Variants in CRB2 observed in about 807,000 individuals in gnomAD.
The protein encoded by CRB2 is crumbs cell polarity complex component 2, also known as protein crumbs homolog 2.
Under a neutral mutation model 110.9 loss-of-function variants are expected in CRB2, and 85 were observed. The ratio of observed to expected loss-of-function variants is 0.77; its 90% CI spans 0.64 to 0.92. The LOEUF (loss-of-function observed/expected upper bound fraction) is 0.92, where lower values mean the gene tolerates loss of function less well. Ranked by LOEUF, CRB2 falls within the 40% of genes least tolerant of loss-of-function variation. The pLI is 0.00. For synonymous variants in CRB2, 907 were observed against 831.0 expected, an observed-to-expected ratio of 1.09 and a Z score of -1.57; for missense variants, 1,843 against 1,851.3, an observed-to-expected ratio of 1.00 and a Z score of 0.08.
rs897512775 is a variant in CRB2 at position 123,377,880 on chromosome 9, A to C, written c.*818A>C. The C allele has an allele frequency of 6.6e-6, 1 of 152,290 alleles. No individual in the cohort carries two copies. Among genetic ancestry groups the C allele is most frequent in the African/African-American group, 2.4e-5 (1 of 41,448 alleles). 9.4% of individuals were successfully genotyped at this position (152,290 alleles called of 1,614,324 possible). A position where few individuals can be genotyped will look rare whatever the true frequency, so the allele number is the denominator to read the frequency against. On this transcript the variant is annotated 3_prime_UTR_variant, in exon 13 of 13. Coordinates refer to ENST00000373631, the MANE Select transcript of CRB2 (RefSeq NM_173689.7). ...GGGGAAGGCACCCACTGCCTACCTC[A>C]CAGGGCTGTTGTGAGGATCAGAGAG... is the stretch of plus-strand genomic sequence containing the variant.
At chr9:123,380,218 A>AAAT (rs2042206600), downstream of CRB2, 1 of 152,452 alleles carries the variant, frequency 6.6e-6, no homozygotes, top group African/African-American at 2.4e-5. Flanking sequence ...TTGTTTTCTT[A>AAAT]AATGGTCGGG....
intron 1 of CRB2, among the ~76,000 whole-genome samples, chr9:123,359,454 T>G (rs1351935930): frequency 2.9e-5 from 4 of 137,696 alleles, no homozygotes; most frequent in South Asian, 4.9e-4. Flanking sequence ...TTTTTTTTTT[T>G]TTTTTTTTTT....
In CRB2 at chr9:123,366,728, G is replaced by A. The variant is rs1265400912; in HGVS notation, c.754+362G>A. 4.6e-5 allele frequency among the ~76,000 whole-genome samples: 7 copies of A among 152,140 alleles called. No individual in the cohort carries two copies. The East Asian group carries it at 5.8e-4, about 13-fold the overall frequency. The stretch of plus-strand genomic sequence containing the variant: ...AGCACTTTGGGAGGCTGAGGCGGGC[G>A]GATCACGAGGTCAGGAGTTCAAGAC... On this transcript the variant is annotated intron_variant, in intron 4 of 12. Coordinates refer to ENST00000373631, the MANE Select transcript of CRB2 (RefSeq NM_173689.7).
Position 123,374,595 on chromosome 9 carries a change from A to C in CRB2, c.3406A>C (p.Lys1136Gln), listed in dbSNP as rs751088787. 1.2e-6 allele frequency: 2 copies of C among 1,613,260 alleles called. No homozygotes were observed. The highest frequency in any genetic ancestry group is 1.7e-6 in the Non-Finnish European group (2 of 1,179,750). Residue 1136 changes from lysine to glutamine, a missense_variant, in exon 11 of 13, where the codon AAG becomes CAG. Lys to Gln is a moderately conservative substitution (Grantham distance 53, BLOSUM62 1). Coordinates refer to ENST00000373631, the MANE Select transcript of CRB2 (RefSeq NM_173689.7). ...GPRCRLPVPS[K>Q]ECSLNVTCLD... ...TCTCCCCAGGTTGCCTGTCCCATCC[A>C]AGGAGTGCAGCCTGAATGTCACCTG...
intron 11 of CRB2, 85 bp downstream of exon 11, chr9:123,374,780 G>GC: frequency 6.7e-6 from 6 of 898,102 alleles, no homozygotes; most frequent in Non-Finnish European, 1.0e-5. Flanking sequence ...GGGGGTCCTC[G>GC]CCCACCTTCT....
chr9:123,376,163 A>G (rs1448190444), intron 12 of CRB2, among the ~76,000 whole-genome samples: 1 of 152,170 alleles, frequency 6.6e-6, no homozygotes, highest in Admixed American at 6.5e-5. Context: ...CCCTCTCAGG[A>G]CCAGAGGAAC....
chr9:123,367,070 C>G, intron 4 of CRB2, 102 bp from the exon 5 acceptor site: 1 of 1,268,394 alleles, frequency 7.9e-7, no homozygotes, highest in Non-Finnish European at 1.1e-6. Context: ...GTGGCTTATT[C>G]CGAGCTGCGG....
intron 1 of CRB2, among the ~76,000 whole-genome samples, chr9:123,361,143 G>GGGC (rs2041864861): frequency 6.7e-6 from 1 of 149,540 alleles, no homozygotes; most frequent in Non-Finnish European, 1.5e-5. Context: ...GGGGAGGGGG[G>GGGC]GGGGTTCCTT....
chr9:123,373,579 C>T lies in CRB2; in HGVS notation c.3048C>T (p.Arg1016=), dbSNP rs1044924709. The T allele has an allele frequency of 3.4e-6, 5 of 1,454,760 alleles. No homozygotes were observed. Among genetic ancestry groups the T allele is most frequent in the African/African-American group, 2.9e-5 (2 of 68,410 alleles). 90.1% of individuals were successfully genotyped at this position (1,454,760 alleles called of 1,614,324 possible). A position where few individuals can be genotyped will look rare whatever the true frequency, so the allele number is the denominator to read the frequency against. Residue 1016 remains arginine, a synonymous_variant, in exon 10 of 13, where the codon CGC becomes CGT. Coordinates refer to ENST00000373631, the MANE Select transcript of CRB2 (RefSeq NM_173689.7). ...AGAACTTCACCGGCTGCTTGGGCCG[C>T]GTGGCGCTGGGCGGCCTGCCCCTGC... The part of the protein sequence containing the change: ...LAENFTGCLG[R]VALGGLPLPL...
chr9:123,366,384 C>T lies in CRB2; in HGVS notation c.754+18C>T, dbSNP rs756631231. 10 of 1,531,278 alleles carry T rather than the reference C, an allele frequency of 6.5e-6. No homozygotes were observed. Among genetic ancestry groups the T allele is most frequent in the Non-Finnish European group, 7.8e-6 (9 of 1,153,156 alleles). The allele number at this position is 1,531,278 out of a possible 1,614,324, so 94.9% of individuals were successfully genotyped here. A position where few individuals can be genotyped will look rare whatever the true frequency, so the allele number is the denominator to read the frequency against. On this transcript the variant is annotated intron_variant, in intron 4 of 12. Coordinates refer to ENST00000373631, the MANE Select transcript of CRB2 (RefSeq NM_173689.7). ...TTGGCCAGGTGTGTGCGTGCAGGTGCGCGGCCTGGCGGGGGGAGGGGTAGG... is the reference window on the plus strand; with the variant it reads ...TTGGCCAGGTGTGTGCGTGCAGGTGTGCGGCCTGGCGGGGGGAGGGGTAGG...
chr9:123,357,880 A>G (rs2808416), intron 1 of CRB2, among the ~76,000 whole-genome samples: 109,001 of 152,256 alleles, frequency 0.72, 39,259 homozygotes, highest in Admixed American at 0.8. Flanking sequence ...CAACACGCAC[A>G]TGTGGACATG....
At position 123,368,821 on chromosome 9, in the gene CRB2, G is replaced by T. The variant is rs137912668; in HGVS notation, c.1054+1135G>T. 4.1e-4 allele frequency: 506 copies of T among 1,227,392 alleles called. 5 individuals are homozygous for T. In the East Asian group the frequency reaches 0.01, roughly 25 times the overall value. The allele number at this position is 1,227,392 out of a possible 1,614,324, so 76.0% of individuals were successfully genotyped here. A position where few individuals can be genotyped will look rare whatever the true frequency, so the allele number is the denominator to read the frequency against. On this transcript the variant is annotated intron_variant, in intron 6 of 12. Transcript: ENST00000373631. The stretch of plus-strand genomic sequence containing the variant: ...GAAGGAGGCAGCTGGGCCAGGCAGG[G>T]AGCTCTGCCTCCTCCCCACTTCCCC...
In CRB2 at chr9:123,365,779, CCCCAACCACCA is replaced by C. The variant is rs2041922035; in HGVS notation, c.419-135_419-125del. On this transcript the variant is annotated intron_variant, in intron 2 of 12. Transcript: ENST00000373631. ...TTGCTGGCATGACCCGTCCCCCACCCCCCAACCACCACCACCACCATCCGGCTCTGAATGAA... is the reference window on the plus strand; with the variant it reads ...TTGCTGGCATGACCCGTCCCCCACCCCCACCACCATCCGGCTCTGAATGAA... 3 of 794,572 alleles carry C rather than the reference CCCCAACCACCA, an allele frequency of 3.8e-6. No individual in the cohort carries two copies. The Admixed American group carries it at 1.1e-4, about 28-fold the overall frequency. The allele number at this position is 794,572 out of a possible 1,614,324, so 49.2% of individuals were successfully genotyped here.
chr9:123,356,528 G>A (rs1288231294), intron 1 of CRB2, among the ~76,000 whole-genome samples, 174 bp downstream of exon 1: 6 of 151,596 alleles, frequency 4.0e-5, no homozygotes, highest in Non-Finnish European at 8.8e-5. Flanking sequence ...GGGGCTCCAC[G>A]GAGGTGAGTG....
In CRB2 at chr9:123,374,636, A is replaced by G. The variant is rs1159126835; in HGVS notation, c.3447A>G (p.Pro1149=). The G allele has an allele frequency of 1.5e-5, 24 of 1,613,286 alleles. No homozygotes were observed. Among genetic ancestry groups the G allele is most frequent in the Non-Finnish European group, 1.9e-5 (22 of 1,179,944 alleles). ...ATGTCACCTGCCTCGATGGCAGCCC[A>G]TGTGAGGGTGGCTCTCCCGCTGCCA... The part of the protein sequence containing the change: ...SLNVTCLDGS[P]CEGGSPAANC... The change falls in exon 11 of 13, where the codon CCA becomes CCG. Residue 1149 remains proline (P), a synonymous_variant. Coordinates refer to ENST00000373631, the MANE Select transcript of CRB2 (RefSeq NM_173689.7).
rs111505877 is a variant in CRB2 at position 123,367,925 on chromosome 9, C to T, written c.1054+239C>T. Among the ~76,000 whole-genome samples the T allele has an allele frequency of 3.4e-3, 517 of 151,872 alleles. 1 individual carries two copies. Among genetic ancestry groups the T allele is most frequent in the Non-Finnish European group, 6.0e-3 (410 of 67,932 alleles). ...AGTGGGCTGAGGTTGTCTGGGAGAA[C>T]GTGTGGAGGGATGGTCTTCAGGGAA... On this transcript the variant is annotated intron_variant, in intron 6 of 12. Transcript: ENST00000373631.
At chr9:123,357,648 C>T (rs1216954199) in intron 1 of CRB2, among the ~76,000 whole-genome samples, 1 of 152,072 alleles carries the variant, frequency 6.6e-6, no homozygotes, top group African/African-American at 2.4e-5. Flanking sequence ...GGTGGCTGCT[C>T]CTCTCTGTTC....
chr9:123,371,103 CCCCAA>C lies in CRB2; in HGVS notation c.1962_1966del (p.Pro655LeufsTer35). 1 of 1,613,224 alleles carries C rather than the reference CCCCAA, an allele frequency of 6.2e-7. No homozygotes were observed. The highest frequency in any genetic ancestry group is 8.5e-7 in the Non-Finnish European group (1 of 1,179,950). ...GCTGCCACCTTTGGCTTGGGAGGCG[CCCCAA>C]GCTCTGCCTCCTTTCTGCTCCAAGA... On this transcript the variant is annotated frameshift_variant, in exon 8 of 13. Coordinates refer to ENST00000373631, the MANE Select transcript of CRB2 (RefSeq NM_173689.7). LOFTEE classifies it high-confidence loss of function.
intron 4 of CRB2, among the ~76,000 whole-genome samples, chr9:123,366,944 C>CAAA (rs3050063): frequency 2.9e-3 from 383 of 133,958 alleles, no homozygotes; most frequent in African/African-American, 9.1e-3. Context: ...GATTCTATCT[C>CAAA]AAAAAAAAAA....
Sources: gnomAD v4.1 joint callset for allele counts (sites outside exome capture counted in the v4.1 genomes callset) on GRCh38, gnomAD v4.1.1 for gene constraint, MANE v1.5 for transcripts, NCBI Gene and HGNC (gene_info 2026-07-23, HGNC 2026-07-21) for gene names.